CA5A: variants seen among roughly 807,000 people sequenced by gnomAD.
CA5A encodes carbonic anhydrase 5A, mitochondrial.
Under a neutral mutation model 37.1 loss-of-function variants are expected in CA5A, and 28 were observed. That is an observed-to-expected ratio of 0.75 (90% confidence interval 0.56 to 1.03). CA5A has a LOEUF of 1.03. CA5A is among the 50% of genes least tolerant of loss of function. The pLI, the probability that CA5A is intolerant of heterozygous loss-of-function variation, is 0.00. For missense variants in CA5A, 444 were observed against 399.9 expected, an observed-to-expected ratio of 1.11 and a Z score of -0.94; for synonymous variants, 171 against 158.4, an observed-to-expected ratio of 1.08 and a Z score of -0.60.
chr16:87,912,735 C>T lies in CA5A; in HGVS notation c.341-7831G>A, dbSNP rs144930775. 9.8e-5 allele frequency among the ~76,000 whole-genome samples: 15 copies of T among 152,322 alleles called. No individual in the cohort carries two copies. In the East Asian group the frequency reaches 1.9e-3, roughly 20 times the overall value. On this transcript the variant is annotated intron_variant, in intron 2 of 6. Transcript: ENST00000649794. ...TGCTTGGGACGCCCAGGAGGGCCCC[C>T]GTGGAAGCGGCGTTTCAGTGGAGCC...
intron 5 of CA5A, among the ~76,000 whole-genome samples, chr16:87,897,127 C>T (rs571725358): frequency 4.6e-4 from 70 of 152,352 alleles, no homozygotes; most frequent in African/African-American, 1.7e-3. Flanking sequence ...GTAGGTGCTG[C>T]CGCTGCTGCT....
chr16:87,898,924 G>A (rs1454863211), intron 5 of CA5A, among the ~76,000 whole-genome samples: 1 of 151,910 alleles, frequency 6.6e-6, no homozygotes. Flanking sequence ...TAGTAGAGAC[G>A]GGGTTTTGCC....
intron 2 of CA5A, among the ~76,000 whole-genome samples, chr16:87,909,290 T>C (rs2056013378): frequency 6.6e-6 from 1 of 152,076 alleles, no homozygotes; most frequent in African/African-American, 2.4e-5. Context: ...GCTCGGGGCA[T>C]CTGCACGCCT....
intron 2 of CA5A, among the ~76,000 whole-genome samples, chr16:87,915,525 A>ATTTTTTTTTTTTTTTTTTTTTTT (rs1162468866): frequency 1.9e-5 from 2 of 107,128 alleles, no homozygotes. Flanking sequence ...CCTGTGTCAA[A>ATTTTTTTTTTTTTTTTTTTTTTT]ATTTTTTTTT....
Position 87,936,525 on chromosome 16 carries a change from C to T in CA5A, c.-75G>A. On this transcript the variant is annotated 5_prime_UTR_variant, in exon 1 of 7. Coordinates refer to ENST00000649794, the MANE Select transcript of CA5A (RefSeq NM_001739.2). ...CTGTCTGTTCTCACTTTGATCAGGA[C>T]CACTGTGGACTGGCGTGTACCCACC... 1 of 1,578,700 alleles carries T rather than the reference C, an allele frequency of 6.3e-7. No homozygotes were observed. Among genetic ancestry groups the T allele is most frequent in the Non-Finnish European group, 8.6e-7 (1 of 1,157,810 alleles).
At chr16:87,929,679 T>C (rs562053313) in intron 1 of CA5A, among the ~76,000 whole-genome samples, 4 of 151,664 alleles carry the variant, frequency 2.6e-5, no homozygotes, top group South Asian at 2.1e-4. Flanking sequence ...GAGACCATCC[T>C]GGCTAACACC....
chr16:87,918,475 T>C (rs1318296011), intron 2 of CA5A, among the ~76,000 whole-genome samples: 2 of 150,296 alleles, frequency 1.3e-5, no homozygotes, highest in East Asian at 4.0e-4. Flanking sequence ...CCACCTCTGT[T>C]ACTCATCGTC....
At chr16:87,884,584 A>G (rs1453234881), downstream of CA5A, 2 of 151,640 alleles carry the variant, frequency 1.3e-5, no homozygotes, top group East Asian at 3.9e-4. Context: ...AAAAAAAAAA[A>G]TTCGCTGGGC....
chr16:87,913,119 C>T (rs1203285942), intron 2 of CA5A, among the ~76,000 whole-genome samples: 1 of 151,602 alleles, frequency 6.6e-6, no homozygotes, highest in Non-Finnish European at 1.5e-5. Context: ...GCTGGGATTA[C>T]AGGCAGGCAC....
In CA5A at chr16:87,926,800, C is replaced by G. The variant is rs1404250719; in HGVS notation, c.288G>C (p.Trp96Cys). The G allele has an allele frequency of 5.6e-6, 9 of 1,614,088 alleles. No homozygotes were observed. The highest frequency in any genetic ancestry group is 1.6e-4 in the Middle Eastern group (1 of 6,084). Residue 96 changes from tryptophan (W) to cysteine (C), a missense_variant, in exon 2 of 7, where the codon TGG (tryptophan) becomes TGC (cysteine). Physicochemically the swap from Trp to Cys is radical, Grantham distance 215. Transcript: ENST00000649794. ...CCACCTGGAAGAGGTAGCCAGTGTT[C>G]CAGATGTACAGGCAGGATGCCGCTT... ...SYEAASCLYI[W>C]NTGYLFQVEF...
At chr16:87,932,553 A>G (rs1422369517) in intron 1 of CA5A, among the ~76,000 whole-genome samples, 1 of 152,158 alleles carries the variant, frequency 6.6e-6, no homozygotes, top group Non-Finnish European at 1.5e-5. Context: ...CCAGCAACGT[A>G]GGTTCTGTGC....
intron 2 of CA5A, among the ~76,000 whole-genome samples, chr16:87,909,523 C>G (rs2056018462): frequency 6.6e-6 from 1 of 152,236 alleles, no homozygotes; most frequent in Non-Finnish European, 1.5e-5. Flanking sequence ...ATCACTCGGG[C>G]TGGGCTGGAG....
chr16:87,921,694 G>A (rs2056232641), intron 2 of CA5A, among the ~76,000 whole-genome samples: 1 of 152,140 alleles, frequency 6.6e-6, no homozygotes, highest in Non-Finnish European at 1.5e-5. Context: ...GGAGGCAGGA[G>A]GATGGAAGCC....
intron 2 of CA5A, among the ~76,000 whole-genome samples, chr16:87,914,894 C>A (rs753151782): frequency 1.3e-5 from 2 of 152,204 alleles, no homozygotes; most frequent in Non-Finnish European, 2.9e-5. Context: ...GAGCCAGGAA[C>A]AGAGCTGAGA....
At chr16:87,899,570 T>A (rs1275862967) in intron 5 of CA5A, among the ~76,000 whole-genome samples, 1 of 150,608 alleles carries the variant, frequency 6.6e-6, no homozygotes, top group Non-Finnish European at 1.5e-5. Context: ...CCCAAAGTGC[T>A]AGGATTACAG....
At chr16:87,904,985 T>C (rs2055938577) in intron 2 of CA5A, 81 bp from the exon 3 acceptor site, 3 of 841,750 alleles carry the variant, frequency 3.6e-6, no homozygotes, top group Middle Eastern at 2.5e-4. Context: ...TTGTCTACAT[T>C]AGGGTTATAT....
chr16:87,917,619 A>G (rs536176845), intron 2 of CA5A, among the ~76,000 whole-genome samples: 1 of 146,638 alleles, frequency 6.8e-6, no homozygotes, highest in African/African-American at 2.7e-5. Context: ...ACATGTGCAC[A>G]CACAAACACA....
At chr16:87,913,786 C>G (rs549115942) in intron 2 of CA5A, among the ~76,000 whole-genome samples, 1 of 152,302 alleles carries the variant, frequency 6.6e-6, no homozygotes, top group South Asian at 2.1e-4. Flanking sequence ...GGGAGCGTAG[C>G]TGGCCCGTCC....
At chr16:87,887,143 T>A (rs1223922876), downstream of CA5A, 2 of 152,296 alleles carry the variant, frequency 1.3e-5, no homozygotes, top group African/African-American at 4.8e-5. Flanking sequence ...CCTCAGGTGG[T>A]CTTCCCGCCT....
Sources: allele counts gnomAD v4.1 joint callset (sites outside exome capture counted in the v4.1 genomes callset), GRCh38; gene constraint gnomAD v4.1.1; transcripts MANE v1.5; gene names NCBI Gene and HGNC (gene_info 2026-07-23, HGNC 2026-07-21).